Variants in PRR5L observed in about 807,000 individuals in gnomAD.
PRR5L encodes the protein proline rich 5 like.
PRR5L carries 21 observed loss-of-function variants against 36.4 expected under a neutral mutation model. The ratio of observed to expected loss-of-function variants is 0.58; its 90% confidence interval spans 0.41 to 0.83. PRR5L has a LOEUF of 0.83. Among genes scored for constraint, PRR5L ranks in the 40% least tolerant of loss-of-function variants. PRR5L has a pLI of 0.00. For missense variants in PRR5L, 381 were observed against 473.3 expected (o/e 0.80, Z 1.81); for synonymous variants, 188 against 197.0 (o/e 0.95, Z 0.38).
chr11:36,383,230 C>G (rs898936928), intron 1 of PRR5L, among the ~76,000 whole-genome samples: 1 of 152,176 alleles, frequency 6.6e-6, no homozygotes, highest in Non-Finnish European at 1.5e-5. Flanking sequence ...TACCACAGGC[C>G]TCTGGAGTTT....
chr11:36,323,731 A>G (rs1565387297), intron 1 of PRR5L, among the ~76,000 whole-genome samples: 1 of 152,230 alleles, frequency 6.6e-6, no homozygotes, highest in Non-Finnish European at 1.5e-5. Flanking sequence ...GAGAAGGCCT[A>G]CTAAAAATTA....
At chr11:36,395,589 G>C (rs1336541267) in intron 1 of PRR5L, among the ~76,000 whole-genome samples, 1 of 152,158 alleles carries the variant, frequency 6.6e-6, no homozygotes, top group Non-Finnish European at 1.5e-5. Flanking sequence ...GTTTGTTATA[G>C]AGTTATGTGA....
In PRR5L at chr11:36,395,214, G is replaced by A. The variant is rs374200743; in HGVS notation, c.-125-5783G>A. ...CTAAATATCTACCCATAGGGGACTG[G>A]TTAAATAAAATGTAATATCTCCTAA... On this transcript the variant is annotated intron_variant, in intron 1 of 8. Transcript: ENST00000530639. Among the ~76,000 whole-genome samples, 45 of 152,220 alleles carry A rather than the reference G, an allele frequency of 3.0e-4. No individual in the cohort carries two copies. The South Asian group carries it at 8.5e-3, about 29-fold the overall frequency.
At chr11:36,324,484 T>C (rs1393749094) in intron 1 of PRR5L, among the ~76,000 whole-genome samples, 1 of 152,162 alleles carries the variant, frequency 6.6e-6, no homozygotes, top group Non-Finnish European at 1.5e-5. Flanking sequence ...TGTGTACATA[T>C]GTAGAAAAAC....
intron 3 of PRR5L, among the ~76,000 whole-genome samples, chr11:36,403,758 C>T (rs1857851417): frequency 6.6e-6 from 1 of 152,208 alleles, no homozygotes; most frequent in African/African-American, 2.4e-5. Context: ...CTTCCTTTTA[C>T]TAAGTGACTT....
intron 1 of PRR5L, among the ~76,000 whole-genome samples, chr11:36,359,417 TGGATTA>T (rs1857061784): frequency 6.6e-6 from 1 of 152,228 alleles, no homozygotes; most frequent in East Asian, 1.9e-4. Flanking sequence ...TTCTTTGAAA[TGGATTA>T]ATTTGTTACT....
intron 3 of PRR5L, among the ~76,000 whole-genome samples, chr11:36,414,655 T>A (rs1477090298): frequency 6.9e-6 from 1 of 144,348 alleles, no homozygotes; most frequent in Non-Finnish European, 1.5e-5. Context: ...TCTCCCATTT[T>A]GTAGGTTGCC....
At chr11:36,355,744 G>T (rs1205466547) in intron 1 of PRR5L, among the ~76,000 whole-genome samples, 1 of 151,066 alleles carries the variant, frequency 6.6e-6, no homozygotes, top group Middle Eastern at 3.2e-3. Flanking sequence ...TAATTTTTTA[G>T]TAGAAATAGG....
At chr11:36,313,291 G>T (rs1026421102) in intron 1 of PRR5L, among the ~76,000 whole-genome samples, 1 of 152,064 alleles carries the variant, frequency 6.6e-6, no homozygotes, top group African/African-American at 2.4e-5. Flanking sequence ...TCTTGGTTGG[G>T]GTGAGAAAAA....
At chr11:36,298,899 A>G (rs886249947) in intron 1 of PRR5L, among the ~76,000 whole-genome samples, 1 of 152,186 alleles carries the variant, frequency 6.6e-6, no homozygotes, top group Non-Finnish European at 1.5e-5. Context: ...TGGCATGTGC[A>G]AATGTCCTCT....
chr11:36,305,607 G>A (rs547230284), intron 1 of PRR5L, among the ~76,000 whole-genome samples: 24 of 152,280 alleles, frequency 1.6e-4, no homozygotes, highest in Non-Finnish European at 2.8e-4. Context: ...ATGTGATGAC[G>A]TTTTGGAAGT....
intron 1 of PRR5L, among the ~76,000 whole-genome samples, chr11:36,345,671 A>G (rs1331514083): frequency 6.6e-6 from 1 of 152,166 alleles, no homozygotes; most frequent in Non-Finnish European, 1.5e-5. Context: ...CCCTGTTCCA[A>G]GGTGCCTCTT....
In PRR5L at chr11:36,303,026, G is replaced by A. The variant is rs190448053; in HGVS notation, c.-126+6588G>A. Reference sequence around the variant, plus strand: ...TGGAAGAGTCAGGATTCGAGCCCAGGCATCCTGGCTCCAGAGCCCACGCTG... The same window carrying A: ...TGGAAGAGTCAGGATTCGAGCCCAGACATCCTGGCTCCAGAGCCCACGCTG... On this transcript the variant is annotated intron_variant, in intron 1 of 8. Transcript: ENST00000530639. Among the ~76,000 whole-genome samples the A allele has an allele frequency of 1.9e-3, 289 of 152,294 alleles. 1 individual carries two copies. The highest frequency in any genetic ancestry group is 6.5e-3 in the African/African-American group (271 of 41,558).
chr11:36,458,347 C>T (rs1859108906), intron 8 of PRR5L, among the ~76,000 whole-genome samples: 1 of 152,204 alleles, frequency 6.6e-6, no homozygotes. Context: ...CTCAGTCTTC[C>T]TCATCTGTGC....
Position 36,362,804 on chromosome 11 carries a change from C to T in PRR5L, c.-125-38193C>T, listed in dbSNP as rs115858893. Among the ~76,000 whole-genome samples, 407 of 151,972 alleles carry T rather than the reference C, an allele frequency of 2.7e-3. 5 individuals are homozygous for T. Among genetic ancestry groups the T allele is most frequent in the African/African-American group, 9.4e-3 (388 of 41,424 alleles). On this transcript the variant is annotated intron_variant, in intron 1 of 8. Transcript: ENST00000530639. ...CATTGATTTTATAATTTGTGAGTGG[C>T]GACAGACAGGTAAACTGATCACTGT...
At chr11:36,330,793 C>T (rs1856710945) in intron 1 of PRR5L, among the ~76,000 whole-genome samples, 1 of 152,068 alleles carries the variant, frequency 6.6e-6, no homozygotes, top group Non-Finnish European at 1.5e-5. Flanking sequence ...ACAGCAAGGA[C>T]ATTGACAGAT....
At chr11:36,410,951 C>A (rs562552147) in intron 3 of PRR5L, among the ~76,000 whole-genome samples, 1 of 152,180 alleles carries the variant, frequency 6.6e-6, no homozygotes, top group Non-Finnish European at 1.5e-5. Context: ...GCGGTCTGGG[C>A]GGATCTCACC....
chr11:36,384,581 G>A (rs1303694136), intron 1 of PRR5L, among the ~76,000 whole-genome samples: 3 of 152,130 alleles, frequency 2.0e-5, no homozygotes, highest in Non-Finnish European at 4.4e-5. Flanking sequence ...TCTATTCAAT[G>A]CCTGTTATAC....
intron 1 of PRR5L, among the ~76,000 whole-genome samples, chr11:36,397,304 T>C (rs533435033): frequency 1.8e-4 from 27 of 152,104 alleles, no homozygotes; most frequent in Admixed American, 1.7e-3. Context: ...GCCCTCGAGA[T>C]CTACCCATCT....
Sources: allele counts gnomAD v4.1 joint callset (sites outside exome capture counted in the v4.1 genomes callset), GRCh38; gene constraint gnomAD v4.1.1; transcripts MANE v1.5; gene names NCBI Gene and HGNC (gene_info 2026-07-23, HGNC 2026-07-21).